Variants in GRIK1 observed in about 807,000 individuals in gnomAD.
GRIK1 encodes glutamate ionotropic receptor kainate type subunit 1.
GRIK1 carries 69 observed loss-of-function variants against 105.7 expected under a neutral mutation model. That is an observed-to-expected ratio of 0.65 (90% CI 0.54 to 0.80). The LOEUF is 0.80. GRIK1 is among the 30% of genes least tolerant of loss of function. The pLI, the probability that GRIK1 is intolerant of heterozygous loss-of-function variation, is 0.00. For missense variants in GRIK1, 1,109 were observed against 1,167.3 expected, an observed-to-expected ratio of 0.95 and a Z score of 0.73; for synonymous variants, 438 against 431.3, an observed-to-expected ratio of 1.02 and a Z score of -0.19.
chr21:29,553,525 G>C, intron 16 of GRIK1: 1 of 1,506,336 alleles, frequency 6.6e-7, no homozygotes, highest in Non-Finnish European at 8.8e-7. Context: ...TTTTCTACTG[G>C]GCACATCTTT....
chr21:29,818,062 A>G (rs1339154270), intron 1 of GRIK1, among the ~76,000 whole-genome samples: 2 of 152,100 alleles, frequency 1.3e-5, no homozygotes, highest in African/African-American at 4.8e-5. Flanking sequence ...ATTTAACTCC[A>G]AAGTCTGGAG....
chr21:29,710,598 AATT>A (rs2064020565), intron 1 of GRIK1, among the ~76,000 whole-genome samples: 1 of 145,360 alleles, frequency 6.9e-6, no homozygotes, highest in South Asian at 2.2e-4. Flanking sequence ...ACACAATTTT[AATT>A]ATTATTTATT....
chr21:29,805,403 C>T (rs2066837774), intron 1 of GRIK1, among the ~76,000 whole-genome samples: 1 of 152,066 alleles, frequency 6.6e-6, no homozygotes, highest in Non-Finnish European at 1.5e-5. Flanking sequence ...ATCAAACTGG[C>T]CCTGAAATCT....
intron 1 of GRIK1, among the ~76,000 whole-genome samples, chr21:29,751,559 T>C (rs1241099846): frequency 6.6e-6 from 1 of 152,194 alleles, no homozygotes; most frequent in East Asian, 1.9e-4. Flanking sequence ...TATGGAGCCA[T>C]CTCTTAATGA....
rs142463256 is a variant in GRIK1, at chr21:29,871,208, G to A, written c.118+68175C>T. Among the ~76,000 whole-genome samples, 162 of 152,164 alleles carry A rather than the reference G, an allele frequency of 1.1e-3. 1 individual carries two copies. The highest frequency in any genetic ancestry group is 3.7e-3 in the African/African-American group (154 of 41,498). On this transcript the variant is annotated intron_variant, in intron 1 of 17. Transcript: ENST00000327783. ...GGCAGGGATTGCATCCTAGTCCTTC[G>A]GTTTCATGGTCTAGTAAAATGCCTG...
chr21:29,766,940 C>T (rs2065682876), intron 1 of GRIK1, among the ~76,000 whole-genome samples: 1 of 152,134 alleles, frequency 6.6e-6, no homozygotes, highest in South Asian at 2.1e-4. Flanking sequence ...GGGATTGTTT[C>T]CCAAAGACTG....
chr21:29,884,177 A>G (rs1017255869), intron 1 of GRIK1, among the ~76,000 whole-genome samples: 1 of 152,046 alleles, frequency 6.6e-6, no homozygotes, highest in African/African-American at 2.4e-5. Flanking sequence ...TATTATATTT[A>G]ATGGAAGTTG....
At chr21:29,560,578 C>CTTTCTTTCTTTCTT (rs2090452001) in intron 15 of GRIK1, among the ~76,000 whole-genome samples, 1 of 47,922 alleles carries the variant, frequency 2.1e-5, no homozygotes, top group Non-Finnish European at 4.1e-5. Context: ...CTTTCTTTCT[C>CTTTCTTTCTTTCTT]TCTTTCTTTC....
At chr21:29,626,265 T>C (rs1325106730) in intron 7 of GRIK1, among the ~76,000 whole-genome samples, 1 of 152,008 alleles carries the variant, frequency 6.6e-6, no homozygotes. Context: ...ACCAAACTCA[T>C]TCTTTTATCA....
At chr21:29,830,158 T>A (rs388700) in intron 1 of GRIK1, among the ~76,000 whole-genome samples, 59,100 of 151,992 alleles carry the variant, frequency 0.39, 12,577 homozygotes, top group East Asian at 0.7. Flanking sequence ...ACCATGGAAA[T>A]GTATGAATCA....
chr21:29,837,923 A>T (rs189046597), intron 1 of GRIK1, among the ~76,000 whole-genome samples: 8 of 152,294 alleles, frequency 5.3e-5, no homozygotes, highest in Non-Finnish European at 8.8e-5. Flanking sequence ...GAAAACTAAA[A>T]TCCACCTTCC....
At chr21:29,827,532 A>G (rs563180203) in intron 1 of GRIK1, among the ~76,000 whole-genome samples, 2 of 152,152 alleles carry the variant, frequency 1.3e-5, no homozygotes, top group Non-Finnish European at 2.9e-5. Context: ...TAGGGTGGAC[A>G]TCTCAGGTTT....
At chr21:29,546,697 A>T (rs1293031001) in intron 16 of GRIK1, among the ~76,000 whole-genome samples, 1 of 152,242 alleles carries the variant, frequency 6.6e-6, no homozygotes, top group Non-Finnish European at 1.5e-5. Context: ...GGCTCTGGCC[A>T]ATTATAGATA....
At chr21:29,586,162 G>A (rs899659926) in intron 12 of GRIK1, among the ~76,000 whole-genome samples, 5 of 152,128 alleles carry the variant, frequency 3.3e-5, no homozygotes, top group African/African-American at 1.2e-4. Flanking sequence ...CTGAAGTAAG[G>A]CATATTTAAA....
At chr21:29,642,705 T>C in intron 7 of GRIK1, 121 bp downstream of exon 7, 1 of 802,878 alleles carries the variant, frequency 1.2e-6, no homozygotes, top group Non-Finnish European at 2.0e-6. Flanking sequence ...GACTGGTTGA[T>C]GATGGCTTCC....
At chr21:29,906,930 T>G (rs1288398565) in intron 1 of GRIK1, among the ~76,000 whole-genome samples, 1 of 151,922 alleles carries the variant, frequency 6.6e-6, no homozygotes, top group Non-Finnish European at 1.5e-5. Context: ...CATTTAAAAC[T>G]GAACAAACAA....
chr21:29,771,434 A>G (rs2065809307), intron 1 of GRIK1, among the ~76,000 whole-genome samples: 1 of 152,204 alleles, frequency 6.6e-6, no homozygotes. Flanking sequence ...TCATTTGATG[A>G]TAATTGATTT....
At chr21:29,907,569 T>C (rs1054133410) in intron 1 of GRIK1, among the ~76,000 whole-genome samples, 4 of 152,144 alleles carry the variant, frequency 2.6e-5, no homozygotes, top group African/African-American at 9.6e-5. Context: ...TAAGTTCAGC[T>C]AACGCATTTT....
intron 1 of GRIK1, among the ~76,000 whole-genome samples, chr21:29,814,203 G>C (rs896004840): frequency 6.7e-6 from 1 of 150,334 alleles, no homozygotes; most frequent in African/African-American, 2.4e-5. Context: ...CACCTGCCTC[G>C]GCCTCCCAAA....
Sources: gnomAD v4.1 joint callset for allele counts (sites outside exome capture counted in the v4.1 genomes callset) on GRCh38, gnomAD v4.1.1 for gene constraint, MANE v1.5 for transcripts, NCBI Gene and HGNC (gene_info 2026-07-23, HGNC 2026-07-21) for gene names.